Variants in PPID observed in about 807,000 individuals in gnomAD.
PPID encodes peptidyl-prolyl cis-trans isomerase D.
In PPID, 47 loss-of-function variants were observed where a neutral mutation model predicts 48.1. That is an observed-to-expected ratio of 0.98 (90% CI 0.77 to 1.25). The LOEUF (loss-of-function observed/expected upper bound fraction) is 1.25, where lower values mean the gene tolerates loss of function less well. PPID is among the 50% of genes most tolerant of loss of function. PPID has a pLI of 0.00. For missense variants in PPID, 429 were observed against 443.5 expected (o/e 0.97, Z 0.29); for synonymous variants, 163 against 148.8 (o/e 1.10, Z -0.69).
intron 7 of PPID, 117 bp from the exon 8 acceptor site, chr4:158,710,965 G>A: frequency 2.2e-6 from 2 of 920,128 alleles, no homozygotes; most frequent in Non-Finnish European, 3.3e-6. Context: ...AAATGGAGCT[G>A]AAACATGCAA....
intron 8 of PPID, 29 bp from the exon 9 acceptor site, chr4:158,710,699 G>C: frequency 1.2e-6 from 2 of 1,611,790 alleles, no homozygotes; most frequent in Non-Finnish European, 1.7e-6. Flanking sequence ...ATTTAAGTTA[G>C]GTGTATGATT....
chr4:158,714,494 G>GT (rs1443589028), intron 6 of PPID, among the ~76,000 whole-genome samples: 8 of 151,874 alleles, frequency 5.3e-5, no homozygotes, highest in Non-Finnish European at 1.2e-4. Context: ...GGTAGGAAAC[G>GT]TAAGAGATAC....
rs747727850 is a variant in PPID, at chr4:158,710,622, ACTTAC to A, written c.1024+1_1024+5del. The A allele has an allele frequency of 4.3e-6, 7 of 1,613,142 alleles. No individual in the cohort carries two copies. The highest frequency in any genetic ancestry group is 1.3e-5 in the African/African-American group (1 of 74,922). On this transcript the variant is annotated splice_donor_variant and splice_donor_5th_base_variant and intron_variant, in intron 9 of 9. Coordinates refer to ENST00000307720, the MANE Select transcript of PPID (RefSeq NM_005038.3). LOFTEE classifies it high-confidence loss of function. ...TTAACTTTCACTACAAAAGCTGCCA[ACTTAC>A]CTTTATCTTCTGGTGCTATCCCCTG... is the stretch of plus-strand genomic sequence containing the variant.
In PPID at chr4:158,715,367, T is replaced by C. The variant is rs776740589; in HGVS notation, c.682A>G (p.Asn228Asp). 1 of 1,539,476 alleles carries C rather than the reference T, an allele frequency of 6.5e-7. No homozygotes were observed. Among genetic ancestry groups the C allele is most frequent in the Non-Finnish European group, 8.7e-7 (1 of 1,145,536 alleles). The change falls in exon 6 of 10, where the codon AAC (asparagine) becomes GAC (aspartate). Residue 228 changes from asparagine (N) to aspartate (D), a missense_variant. Coordinates refer to ENST00000307720, the MANE Select transcript of PPID (RefSeq NM_005038.3). ...KILLITEDLK[N>D]IGNTFFKSQN... ...GATTTGAAAAAAGTATTTCCAATGTTTTTTAAGTCTTCTGTTATTAATAAA... is the reference window on the plus strand; with the variant it reads ...GATTTGAAAAAAGTATTTCCAATGTCTTTTAAGTCTTCTGTTATTAATAAA...
Position 158,709,817 on chromosome 4 carries a change from C to G in PPID, c.1032G>C (p.Gln344His). 3 of 1,607,150 alleles carry G rather than the reference C, an allele frequency of 1.9e-6. No homozygotes were observed. The African/African-American group carries it at 4.0e-5, about 21-fold the overall frequency. Residue 344 changes from glutamine (Q) to histidine (H), a missense_variant, in exon 10 of 10, where the codon CAG becomes CAC. Coordinates refer to ENST00000307720, the MANE Select transcript of PPID (RefSeq NM_005038.3). ...QGIAPEDKAI[Q>H]AELLKVKQKI... ...TTTGTTTGACTTTCAGCAATTCTGCCTGGATAGCTGTAAAATAAATATGCA... is the reference window on the plus strand; with the variant it reads ...TTTGTTTGACTTTCAGCAATTCTGCGTGGATAGCTGTAAAATAAATATGCA...
chr4:158,715,244 T>C (rs1450653983), intron 6 of PPID, 53 bp downstream of exon 6: 3 of 1,305,278 alleles, frequency 2.3e-6, no homozygotes, highest in Non-Finnish European at 3.0e-6. Flanking sequence ...TTAATTTTAG[T>C]TTATAATTCA....
Position 158,723,356 on chromosome 4 carries a change from C to G in PPID, c.-68G>C. ...AGTGGCCGCCCGGGCCGCCCAAACT[C>G]CAGAGTCCGTCTCCGCCGGAGACCG... On this transcript the variant is annotated 5_prime_UTR_variant, in exon 1 of 10. Transcript: ENST00000307720. 1 of 1,476,074 alleles carries G rather than the reference C, an allele frequency of 6.8e-7. No homozygotes were observed. The highest frequency in any genetic ancestry group is 1.4e-5 in the African/African-American group (1 of 71,904). 91.4% of individuals were successfully genotyped at this position (1,476,074 alleles called of 1,614,324 possible).
chr4:158,720,216 C>T (rs1392862933), intron 2 of PPID, among the ~76,000 whole-genome samples: 1 of 152,152 alleles, frequency 6.6e-6, no homozygotes. Context: ...GTCAAGTTCC[C>T]AGACTCCAAA....
chr4:158,719,007 C>G (rs1356326072), intron 3 of PPID, among the ~76,000 whole-genome samples, 173 bp downstream of exon 3: 1 of 152,196 alleles, frequency 6.6e-6, no homozygotes, highest in South Asian at 2.1e-4. Context: ...TTAATCATTA[C>G]TGAATGAAAA....
At chr4:158,715,132 G>C (rs1774849014) in intron 6 of PPID, among the ~76,000 whole-genome samples, 165 bp downstream of exon 6, 1 of 121,206 alleles carries the variant, frequency 8.3e-6, no homozygotes, top group Non-Finnish European at 1.7e-5. Flanking sequence ...TCTGTCTTTT[G>C]AAATTTCTCA....
intron 7 of PPID, among the ~76,000 whole-genome samples, chr4:158,712,102 A>G (rs968170202): frequency 7.2e-5 from 11 of 152,224 alleles, no homozygotes; most frequent in Admixed American, 2.0e-4. Context: ...CTCTGAGCAT[A>G]GCTAGTCTAG....
intron 1 of PPID, among the ~76,000 whole-genome samples, chr4:158,721,769 C>T (rs1279583763): frequency 6.6e-5 from 10 of 152,174 alleles, no homozygotes; most frequent in Non-Finnish European, 1.5e-4. Flanking sequence ...TTCTCTACTT[C>T]AAGGTCAACT....
intron 1 of PPID, among the ~76,000 whole-genome samples, chr4:158,722,367 C>T (rs565668994): frequency 3.9e-5 from 6 of 152,362 alleles, no homozygotes; most frequent in African/African-American, 1.4e-4. Flanking sequence ...CCTTTGTGCT[C>T]TGAGCAAACT....
At position 158,723,243 on chromosome 4, in the gene PPID, G is replaced by A; in HGVS notation, c.46C>T (p.Pro16Ser). 1 of 1,614,072 alleles carries A rather than the reference G, an allele frequency of 6.2e-7. No individual in the cohort carries two copies. The highest frequency in any genetic ancestry group is 8.5e-7 in the Non-Finnish European group (1 of 1,180,006). Residue 16 changes from proline (P) to serine (S), a missense_variant, in exon 1 of 10, where the codon CCT becomes TCT. Transcript: ENST00000307720. ...PQAKPSNPSN[P>S]RVFFDVDIGG... Reference sequence around the variant, plus strand: ...ATGTCCACGTCAAAGAAGACTCGAGGGTTACTGGGGTTGGAGGGCTTGGCT... The same window carrying A: ...ATGTCCACGTCAAAGAAGACTCGAGAGTTACTGGGGTTGGAGGGCTTGGCT...
chr4:158,717,364 T>A (rs969635481), intron 3 of PPID, among the ~76,000 whole-genome samples, 164 bp from the exon 4 acceptor site: 1 of 152,224 alleles, frequency 6.6e-6, no homozygotes, highest in Admixed American at 6.5e-5. Flanking sequence ...ATTTTTTAAT[T>A]ACTTTTTATT....
At chr4:158,723,128 C>A in intron 1 of PPID, 76 bp downstream of exon 1, 1 of 1,429,558 alleles carries the variant, frequency 7.0e-7, no homozygotes, top group Non-Finnish European at 9.7e-7. Context: ...GAGCCGCATT[C>A]CGCCCTTGGA....
rs1413031405 is a variant in PPID, at chr4:158,709,582, A to G, written c.*154T>C. Reference sequence around the variant, plus strand: ...TTACTGTATTGTGACATGTTTATTAAGCATGAACCCCTATCAGTACTCCTA... The same window carrying G: ...TTACTGTATTGTGACATGTTTATTAGGCATGAACCCCTATCAGTACTCCTA... On this transcript the variant is annotated 3_prime_UTR_variant, in exon 10 of 10. Coordinates refer to ENST00000307720, the MANE Select transcript of PPID (RefSeq NM_005038.3). The G allele has an allele frequency of 3.7e-6, 2 of 546,436 alleles. No homozygotes were observed. Among genetic ancestry groups the G allele is most frequent in the Non-Finnish European group, 6.3e-6 (2 of 314,964 alleles). The allele number at this position is 546,436 out of a possible 1,614,324, so 33.8% of individuals were successfully genotyped here.
intron 1 of PPID, 85 bp from the exon 2 acceptor site, chr4:158,721,568 G>C (rs6837290): frequency 1.4e-6 from 2 of 1,448,838 alleles, no homozygotes; most frequent in Non-Finnish European, 1.9e-6. Flanking sequence ...TATGGTAGCA[G>C]ATCAATCATG....
chr4:158,710,045 TG>T (rs1774758023), intron 9 of PPID: 1 of 539,360 alleles, frequency 1.9e-6, no homozygotes, highest in African/African-American at 1.9e-5. Flanking sequence ...ATTTGCCTTC[TG>T]CCTCTACATT....
Sources: gnomAD v4.1 joint callset for allele counts (sites outside exome capture counted in the v4.1 genomes callset) on GRCh38, gnomAD v4.1.1 for gene constraint, MANE v1.5 for transcripts, NCBI Gene and HGNC (gene_info 2026-07-23, HGNC 2026-07-21) for gene names.